PITPNB: variants seen among roughly 807,000 people sequenced by gnomAD.
PITPNB encodes phosphatidylinositol transfer protein beta isoform.
A neutral mutation model predicts 45.9 loss-of-function variants in PITPNB; 16 were observed. That is an observed-to-expected ratio of 0.35 (90% CI 0.24 to 0.53). PITPNB has a LOEUF of 0.53. PITPNB is among the 20% of genes least tolerant of loss of function. The pLI, the probability that PITPNB is intolerant of heterozygous loss-of-function variation, is 0.93. For synonymous variants in PITPNB, 112 were observed against 108.9 expected (o/e 1.03, Z -0.18); for missense variants, 188 against 330.5 (o/e 0.57, Z 3.34).
intron 3 of PITPNB, among the ~76,000 whole-genome samples, chr22:27,907,380 T>C (rs771109932): frequency 1.3e-5 from 2 of 152,220 alleles, no homozygotes; most frequent in African/African-American, 2.4e-5. Context: ...CTGTGGCTGA[T>C]GTGCTTTCAA....
At chr22:27,874,112 C>T (rs555506682) in intron 7 of PITPNB, among the ~76,000 whole-genome samples, 99 of 152,302 alleles carry the variant, frequency 6.5e-4, no homozygotes, top group Non-Finnish European at 1.1e-3. Flanking sequence ...AATCTTTCAA[C>T]AGTTTTTTAA....
At chr22:27,897,205 A>T in intron 4 of PITPNB, 68 bp from the exon 5 acceptor site, 1 of 963,134 alleles carries the variant, frequency 1.0e-6, no homozygotes, top group Non-Finnish European at 1.7e-6. Flanking sequence ...GAGTCAAAAC[A>T]ATCTGTCCCA....
chr22:27,887,708 T>C (rs757713220), intron 7 of PITPNB, among the ~76,000 whole-genome samples: 3 of 152,184 alleles, frequency 2.0e-5, no homozygotes, highest in Non-Finnish European at 4.4e-5. Flanking sequence ...TTTTAGGCAC[T>C]AAACATTGAC....
At chr22:27,864,185 T>C (rs1934414961) in intron 8 of PITPNB, among the ~76,000 whole-genome samples, 1 of 152,206 alleles carries the variant, frequency 6.6e-6, no homozygotes, top group South Asian at 2.1e-4. Context: ...ATTATTAATG[T>C]ATACATGATA....
At chr22:27,905,369 C>T (rs1935726516) in intron 3 of PITPNB, among the ~76,000 whole-genome samples, 1 of 152,082 alleles carries the variant, frequency 6.6e-6, no homozygotes, top group African/African-American at 2.4e-5. Flanking sequence ...AGGCTGGTTT[C>T]GAACTCCTGA....
intron 7 of PITPNB, among the ~76,000 whole-genome samples, chr22:27,883,066 A>G (rs1485123735): frequency 6.6e-6 from 1 of 152,206 alleles, no homozygotes; most frequent in African/African-American, 2.4e-5. Flanking sequence ...TTCAAAATAC[A>G]TCAGAGTTCA....
chr22:27,896,714 T>C, intron 5 of PITPNB, 88 bp from the exon 6 acceptor site: 2 of 810,156 alleles, frequency 2.5e-6, no homozygotes, highest in Non-Finnish European at 4.2e-6. Flanking sequence ...AGTATAGGCA[T>C]CCATGCTTTG....
At chr22:27,866,356 T>C (rs1304324014) in intron 8 of PITPNB, among the ~76,000 whole-genome samples, 2 of 152,150 alleles carry the variant, frequency 1.3e-5, no homozygotes, top group East Asian at 1.9e-4. Flanking sequence ...TAACAACACA[T>C]ATTAGGTTAC....
chr22:27,870,622 G>A (rs2146362331), intron 8 of PITPNB, among the ~76,000 whole-genome samples: 1 of 152,282 alleles, frequency 6.6e-6, no homozygotes, highest in African/African-American at 2.4e-5. Flanking sequence ...TATCATGTTT[G>A]TTCCCTATTT....
intron 1 of PITPNB, among the ~76,000 whole-genome samples, chr22:27,915,571 T>C (rs564939498): frequency 1.3e-5 from 2 of 152,292 alleles, no homozygotes; most frequent in African/African-American, 4.8e-5. Context: ...AGTCTGTTAC[T>C]CCCTCCCCTT....
At chr22:27,901,957 A>G (rs987339936) in intron 3 of PITPNB, among the ~76,000 whole-genome samples, 4 of 151,910 alleles carry the variant, frequency 2.6e-5, no homozygotes, top group African/African-American at 9.7e-5. Context: ...ATCCACTCAA[A>G]TATTTCCTGT....
intron 8 of PITPNB, among the ~76,000 whole-genome samples, chr22:27,866,252 T>C (rs1006156090): frequency 1.3e-5 from 2 of 152,246 alleles, no homozygotes; most frequent in African/African-American, 4.8e-5. Flanking sequence ...GTTTCCAAAA[T>C]TGTATTTAAA....
chr22:27,900,324 C>A (rs1470828766), intron 3 of PITPNB, among the ~76,000 whole-genome samples: 2 of 151,930 alleles, frequency 1.3e-5, no homozygotes, highest in African/African-American at 4.8e-5. Context: ...ATGTGAAGAA[C>A]CTTAATATTC....
intron 8 of PITPNB, among the ~76,000 whole-genome samples, chr22:27,866,706 C>T (rs141764651): frequency 1.2e-4 from 19 of 152,264 alleles, no homozygotes; most frequent in East Asian, 3.9e-4. Context: ...CCAGAGTTAA[C>T]GCTTTGCAAA....
At chr22:27,911,138 G>A in intron 2 of PITPNB, 29 bp from the exon 3 acceptor site, 1 of 1,582,898 alleles carries the variant, frequency 6.3e-7, no homozygotes, top group East Asian at 2.2e-5. Context: ...CAGAAACTGA[G>A]TAAGTCAGTA....
At chr22:27,876,554 A>G (rs1205838650) in intron 7 of PITPNB, among the ~76,000 whole-genome samples, 1 of 152,246 alleles carries the variant, frequency 6.6e-6, no homozygotes, top group African/African-American at 2.4e-5. Context: ...AATCAGCTGA[A>G]TTAAGTTGCA....
chr22:27,912,934 G>T (rs1387690703), intron 2 of PITPNB, among the ~76,000 whole-genome samples: 3 of 128,764 alleles, frequency 2.3e-5, no homozygotes, highest in Non-Finnish European at 4.6e-5. Flanking sequence ...AGAGAGCTGA[G>T]ATCGCAATAC....
chr22:27,868,375 A>C (rs1010863942), intron 8 of PITPNB, among the ~76,000 whole-genome samples: 1 of 152,164 alleles, frequency 6.6e-6, no homozygotes, highest in Non-Finnish European at 1.5e-5. Flanking sequence ...TGGCCAAAAA[A>C]ATTTTGCAGT....
intron 7 of PITPNB, among the ~76,000 whole-genome samples, chr22:27,881,401 T>C (rs978833066): frequency 3.3e-5 from 5 of 152,194 alleles, no homozygotes; most frequent in Non-Finnish European, 7.3e-5. Flanking sequence ...GCACACATAA[T>C]AAAGAGTTTT....
Sources: allele counts gnomAD v4.1 joint callset (sites outside exome capture counted in the v4.1 genomes callset), GRCh38; gene constraint gnomAD v4.1.1; transcripts MANE v1.5; gene names NCBI Gene and HGNC (gene_info 2026-07-23, HGNC 2026-07-21).